The following EPHX4 variants were observed in gnomAD, a reference collection of about 807,000 sequenced individuals.
The protein encoded by EPHX4 is abhydrolase domain containing 7.
Under a neutral mutation model 44.9 loss-of-function variants are expected in EPHX4, and 31 were observed. The observed-to-expected ratio is 0.69, with a 90% CI of 0.52 to 0.93. The LOEUF is 0.93. EPHX4 is among the 40% of genes least tolerant of loss of function. EPHX4 has a pLI of 0.00. For synonymous variants in EPHX4, 151 were observed against 159.7 expected (o/e 0.95, Z 0.41); for missense variants, 373 against 438.1 (o/e 0.85, Z 1.33).
rs374463122 is a variant in EPHX4, at chr1:92,030,741, C to T, written c.231+431C>T. ...CGTGGCATCCTAATGTCTCAGGAGG[C>T]TGTTCTTGCCCAATTTTAGAGATAA... is the stretch of plus-strand genomic sequence containing the variant. On this transcript the variant is annotated intron_variant, in intron 1 of 6. Coordinates refer to ENST00000370383, the MANE Select transcript of EPHX4 (RefSeq NM_173567.5). Among the ~76,000 whole-genome samples, 7 of 152,176 alleles carry T rather than the reference C, an allele frequency of 4.6e-5. No individual in the cohort carries two copies. In the East Asian group the frequency reaches 5.8e-4, roughly 13 times the overall value.
chr1:92,063,313 T>G lies in EPHX4; in HGVS notation c.*27T>G. ...TTTTCTTTATCTTCTATGAAGGGTCTGTAATGAAATCTCTAAATAATTTTT... is the reference window on the plus strand; with the variant it reads ...TTTTCTTTATCTTCTATGAAGGGTCGGTAATGAAATCTCTAAATAATTTTT... On this transcript the variant is annotated 3_prime_UTR_variant, in exon 7 of 7. Transcript: ENST00000370383. 6.9e-7 allele frequency: 1 copy of G among 1,444,534 alleles called. No individual in the cohort carries two copies. The highest frequency in any genetic ancestry group is 9.3e-7 in the Non-Finnish European group (1 of 1,079,226). 89.5% of individuals were successfully genotyped at this position (1,444,534 alleles called of 1,614,324 possible). A position where few individuals can be genotyped will look rare whatever the true frequency, so the allele number is the denominator to read the frequency against.
At chr1:92,036,791 A>G (rs1688444614) in intron 2 of EPHX4, among the ~76,000 whole-genome samples, 1 of 152,204 alleles carries the variant, frequency 6.6e-6, no homozygotes, top group Admixed American at 6.5e-5. Flanking sequence ...TTTAGGGAGC[A>G]TCTGAAAATA....
intron 6 of EPHX4, among the ~76,000 whole-genome samples, chr1:92,057,571 A>G (rs1647396843): frequency 6.6e-6 from 1 of 152,026 alleles, no homozygotes; most frequent in Non-Finnish European, 1.5e-5. Context: ...ACACACCCAT[A>G]CATAGAAGCC....
rs72954786 is a variant in EPHX4 at position 92,053,156 on chromosome 1, G to C, written c.857+498G>C. Among the ~76,000 whole-genome samples the C allele has an allele frequency of 1.2e-3, 186 of 152,280 alleles. 1 individual carries two copies. The highest frequency in any genetic ancestry group is 4.5e-3 in the African/African-American group (185 of 41,564). On this transcript the variant is annotated intron_variant, in intron 6 of 6. Transcript: ENST00000370383. The stretch of plus-strand genomic sequence containing the variant: ...TAACAGAAAGGCTTTGAAAGAAAGA[G>C]ATGAGAACTGAGGAAATAATGTTAG...
intron 2 of EPHX4, among the ~76,000 whole-genome samples, chr1:92,041,711 G>A (rs1311343051): frequency 6.6e-6 from 1 of 152,058 alleles, no homozygotes; most frequent in Admixed American, 6.6e-5. Context: ...CAGATTCCCT[G>A]GTGGCTATAC....
chr1:92,058,386 AGCCAAGGTCGC>A (rs1281531308), intron 6 of EPHX4, among the ~76,000 whole-genome samples: 1 of 151,474 alleles, frequency 6.6e-6, no homozygotes, highest in East Asian at 1.9e-4. Context: ...GGTTGTGGTG[AGCCAAGGTCGC>A]GCCATTGCAC....
At chr1:92,047,826 A>G (rs1688603672) in intron 4 of EPHX4, among the ~76,000 whole-genome samples, 1 of 152,204 alleles carries the variant, frequency 6.6e-6, no homozygotes, top group Admixed American at 6.5e-5. Flanking sequence ...GCTATGAAAT[A>G]GTTTTGACCA....
intron 2 of EPHX4, among the ~76,000 whole-genome samples, chr1:92,041,681 ATAAC>A (rs1201855605): frequency 2.6e-5 from 4 of 152,200 alleles, no homozygotes; most frequent in Non-Finnish European, 4.4e-5. Flanking sequence ...GGGCTGTAAA[ATAAC>A]TAACTGTTCA....
intron 4 of EPHX4, among the ~76,000 whole-genome samples, chr1:92,050,000 G>C (rs1430205402): frequency 6.6e-6 from 1 of 152,062 alleles, no homozygotes; most frequent in East Asian, 1.9e-4. Context: ...TCAGGAAGCT[G>C]AGGCAGGAGA....
chr1:92,046,406 CTG>C (rs1688581328), intron 4 of EPHX4, among the ~76,000 whole-genome samples: 1 of 152,152 alleles, frequency 6.6e-6, no homozygotes, highest in Admixed American at 6.5e-5. Context: ...TTTCAGATAA[CTG>C]TGGATTTTCT....
At chr1:92,061,936 G>T (rs575154630) in intron 6 of EPHX4, among the ~76,000 whole-genome samples, 1 of 152,232 alleles carries the variant, frequency 6.6e-6, no homozygotes, top group South Asian at 2.1e-4. Flanking sequence ...GGCCATGTGT[G>T]CTGGCTCATG....
chr1:92,042,666 A>G (rs1688524732), intron 2 of EPHX4, among the ~76,000 whole-genome samples, 157 bp from the exon 3 acceptor site: 2 of 147,998 alleles, frequency 1.4e-5, no homozygotes, highest in African/African-American at 5.0e-5. Flanking sequence ...TTGAGGCTGC[A>G]GTGAGCTGTG....
chr1:92,051,874 C>T (rs1288740337), intron 5 of EPHX4, among the ~76,000 whole-genome samples: 1 of 152,140 alleles, frequency 6.6e-6, no homozygotes, highest in Non-Finnish European at 1.5e-5. Flanking sequence ...ATAATTCTTT[C>T]TGCTTTTAAT....
intron 2 of EPHX4, among the ~76,000 whole-genome samples, chr1:92,037,490 C>G (rs1025643299): frequency 3.3e-5 from 5 of 152,162 alleles, no homozygotes; most frequent in African/African-American, 1.2e-4. Flanking sequence ...CTCCCACTCT[C>G]TCTCTCCACT....
intron 4 of EPHX4, among the ~76,000 whole-genome samples, 185 bp from the exon 5 acceptor site, chr1:92,050,132 G>T (rs958520051): frequency 6.6e-6 from 1 of 151,890 alleles, no homozygotes; most frequent in Non-Finnish European, 1.5e-5. Context: ...TAATAAAGTG[G>T]TATAAATTTT....
intron 6 of EPHX4, among the ~76,000 whole-genome samples, 172 bp from the exon 7 acceptor site, chr1:92,062,883 G>T (rs1017514710): frequency 2.0e-5 from 3 of 151,928 alleles, no homozygotes; most frequent in African/African-American, 7.3e-5. Flanking sequence ...GTATATCCAT[G>T]CTTTATATAT....
chr1:92,031,401 G>A (rs2101864375), intron 1 of EPHX4, among the ~76,000 whole-genome samples: 1 of 152,228 alleles, frequency 6.6e-6, no homozygotes, highest in East Asian at 1.9e-4. Context: ...CAACCTGAGG[G>A]GTAAAAGTAG....
chr1:92,058,478 C>T (rs2101876124), intron 6 of EPHX4, among the ~76,000 whole-genome samples: 1 of 151,366 alleles, frequency 6.6e-6, no homozygotes, highest in Non-Finnish European at 1.5e-5. Flanking sequence ...TTGATTACCA[C>T]ATTATCAGAT....
At chr1:92,042,790 A>G (rs868276153) in intron 2 of EPHX4, 33 bp from the exon 3 acceptor site, 7 of 1,577,820 alleles carry the variant, frequency 4.4e-6, no homozygotes, top group Admixed American at 1.8e-5. Flanking sequence ...ACTAGCTAAT[A>G]TGATATTTTA....
Sources: allele counts gnomAD v4.1 joint callset (sites outside exome capture counted in the v4.1 genomes callset), GRCh38; gene constraint gnomAD v4.1.1; transcripts MANE v1.5; gene names NCBI Gene and HGNC (gene_info 2026-07-23, HGNC 2026-07-21).